RSRC1: variants seen among roughly 807,000 people sequenced by gnomAD.
RSRC1 encodes arginine and serine rich coiled-coil 1.
RSRC1 carries 39 observed loss-of-function variants against 49.1 expected under a neutral mutation model. The observed-to-expected ratio is 0.79, with a 90% CI of 0.61 to 1.04. The LOEUF (loss-of-function observed/expected upper bound fraction) is 1.04, where lower values mean the gene tolerates loss of function less well. Ranked by LOEUF, RSRC1 falls within the 50% of genes least tolerant of loss-of-function variation. The pLI, the probability that RSRC1 is intolerant of heterozygous loss-of-function variation, is 0.00. For synonymous variants in RSRC1, 143 were observed against 130.8 expected (o/e 1.09, Z -0.63); for missense variants, 388 against 402.4 (o/e 0.96, Z 0.31).
At chr3:158,307,505 T>C (rs947892413) in intron 5 of RSRC1, among the ~76,000 whole-genome samples, 7 of 151,904 alleles carry the variant, frequency 4.6e-5, no homozygotes, top group Admixed American at 6.6e-5. Flanking sequence ...ATAAATAGAT[T>C]TAATTCCAAA....
chr3:158,217,003 G>T (rs1721978953), intron 4 of RSRC1, among the ~76,000 whole-genome samples: 1 of 151,484 alleles, frequency 6.6e-6, no homozygotes, highest in Non-Finnish European at 1.5e-5. Flanking sequence ...TCTTAAGTAG[G>T]CCAGAACTAT....
At chr3:158,124,215 G>A (rs997024370) in intron 3 of RSRC1, among the ~76,000 whole-genome samples, 3 of 152,118 alleles carry the variant, frequency 2.0e-5, no homozygotes, top group African/African-American at 7.2e-5. Context: ...ATTTGGTTCT[G>A]GCTATTGGCC....
At chr3:158,367,496 A>T in intron 6 of RSRC1, among the ~76,000 whole-genome samples, 1 of 152,138 alleles carries the variant, frequency 6.6e-6, no homozygotes, top group East Asian at 1.9e-4. Flanking sequence ...TGACTTGATC[A>T]TGGTGGATAC....
chr3:158,119,223 C>A (rs1191508860), intron 1 of RSRC1, among the ~76,000 whole-genome samples: 1 of 152,040 alleles, frequency 6.6e-6, no homozygotes, highest in Middle Eastern at 3.2e-3. Context: ...TATCTGGTGT[C>A]TTAAATTCCT....
intron 4 of RSRC1, among the ~76,000 whole-genome samples, chr3:158,230,536 A>G (rs557687419): frequency 9.3e-6 from 1 of 107,200 alleles, no homozygotes; most frequent in South Asian, 2.8e-4. Context: ...AACAGAGTGA[A>G]GTTAAGTGAA....
Position 158,203,114 on chromosome 3 carries a change from T to A in RSRC1, c.363T>A (p.Ser121Arg). The A allele has an allele frequency of 6.2e-7, 1 of 1,613,656 alleles. No individual in the cohort carries two copies. Among genetic ancestry groups the A allele is most frequent in the Non-Finnish European group, 8.5e-7 (1 of 1,179,770 alleles). The change falls in exon 4 of 10, where the codon AGT (serine) becomes AGA (arginine). Residue 121 changes from serine to arginine, a missense_variant. Ser to Arg is a moderately radical substitution (Grantham distance 110, BLOSUM62 -1). Coordinates refer to ENST00000611884, the MANE Select transcript of RSRC1 (RefSeq NM_001271838.2). The part of the protein sequence containing the change: ...RPRLRSHSRS[S>R]ERSSHRRTRS... ...GTCTCCGTTCTCATAGTCGTAGCAG[T>A]GAAAGGTCCAGTCACAGAAGAACGC...
chr3:158,251,577 A>G (rs1331357183), intron 4 of RSRC1, among the ~76,000 whole-genome samples: 2 of 152,060 alleles, frequency 1.3e-5, no homozygotes, highest in Non-Finnish European at 2.9e-5. Flanking sequence ...ATTTGTGGCT[A>G]TTGTAAATTG....
At chr3:158,177,942 A>G (rs995824082) in intron 3 of RSRC1, among the ~76,000 whole-genome samples, 1 of 152,180 alleles carries the variant, frequency 6.6e-6, no homozygotes, top group African/African-American at 2.4e-5. Context: ...TAGTATGGAG[A>G]GAATTGACAC....
chr3:158,369,882 C>T (rs779978236), intron 6 of RSRC1, among the ~76,000 whole-genome samples: 1 of 151,914 alleles, frequency 6.6e-6, no homozygotes, highest in African/African-American at 2.4e-5. Context: ...TGCAAGTGTT[C>T]AAATAATTTC....
chr3:158,236,116 CAAA>C (rs202061212), intron 4 of RSRC1, among the ~76,000 whole-genome samples: 1 of 136,274 alleles, frequency 7.3e-6, no homozygotes, highest in African/African-American at 2.8e-5. Flanking sequence ...AGTCTTGTCT[CAAA>C]AAAAAAAAAG....
chr3:158,306,524 T>C (rs1727849295), intron 5 of RSRC1, among the ~76,000 whole-genome samples: 1 of 151,944 alleles, frequency 6.6e-6, no homozygotes, highest in East Asian at 1.9e-4. Context: ...ATTTTTACTT[T>C]GGTTACCTTG....
At chr3:158,389,439 A>G (rs1733152219) in intron 6 of RSRC1, among the ~76,000 whole-genome samples, 1 of 152,340 alleles carries the variant, frequency 6.6e-6, no homozygotes, top group African/African-American at 2.4e-5. Flanking sequence ...AACTTTTTCT[A>G]TATATTTAAC....
intron 1 of RSRC1, among the ~76,000 whole-genome samples, chr3:158,117,242 A>G (rs149995046): frequency 1.3e-5 from 2 of 152,220 alleles, no homozygotes; most frequent in Non-Finnish European, 2.9e-5. Context: ...TATGAGATAT[A>G]CTGGGTATGT....
intron 3 of RSRC1, among the ~76,000 whole-genome samples, chr3:158,175,633 G>C (rs1388358615): frequency 6.6e-6 from 1 of 152,006 alleles, no homozygotes; most frequent in Non-Finnish European, 1.5e-5. Context: ...TCATTGATGT[G>C]TTTATCCTTA....
intron 4 of RSRC1, among the ~76,000 whole-genome samples, chr3:158,281,100 ATAAAT>A (rs1256452955): frequency 6.2e-5 from 7 of 113,362 alleles, no homozygotes; most frequent in Non-Finnish European, 4.1e-5. Flanking sequence ...GGCAGTTGAT[ATAAAT>A]ATAGATAGTT....
At chr3:158,326,794 A>G (rs529973988) in intron 5 of RSRC1, among the ~76,000 whole-genome samples, 1 of 152,202 alleles carries the variant, frequency 6.6e-6, no homozygotes, top group Non-Finnish European at 1.5e-5. Flanking sequence ...GAATAGTTTC[A>G]GAAGGAATGG....
chr3:158,120,656 T>C (rs937227875), intron 1 of RSRC1, among the ~76,000 whole-genome samples: 1 of 147,128 alleles, frequency 6.8e-6, no homozygotes, highest in Non-Finnish European at 1.5e-5. Flanking sequence ...ACATAATATA[T>C]ATTTAATATA....
intron 3 of RSRC1, among the ~76,000 whole-genome samples, chr3:158,149,674 G>C (rs1039484446): frequency 7.9e-5 from 12 of 152,154 alleles, no homozygotes; most frequent in African/African-American, 2.2e-4. Flanking sequence ...TAGGTATTCA[G>C]ATTTCCTTAA....
chr3:158,116,621 G>T (rs1223593790), intron 1 of RSRC1, among the ~76,000 whole-genome samples: 1 of 151,982 alleles, frequency 6.6e-6, no homozygotes, highest in East Asian at 1.9e-4. Flanking sequence ...TTGTGCTAAG[G>T]TGCCAGCAGT....
Sources: allele counts gnomAD v4.1 joint callset (sites outside exome capture counted in the v4.1 genomes callset), GRCh38; gene constraint gnomAD v4.1.1; transcripts MANE v1.5; gene names NCBI Gene and HGNC (gene_info 2026-07-23, HGNC 2026-07-21).